The following ABLIM2 variants were observed in gnomAD, a reference collection of about 807,000 sequenced individuals.
The protein encoded by ABLIM2 is actin binding LIM protein family member 2.
Under a neutral mutation model 97.7 loss-of-function variants are expected in ABLIM2, and 53 were observed. The observed-to-expected ratio is 0.54, with a 90% CI of 0.44 to 0.68. ABLIM2 has a LOEUF of 0.68. Ranked by LOEUF, ABLIM2 falls within the 30% of genes least tolerant of loss-of-function variation. ABLIM2 has a pLI of 0.00. For missense variants in ABLIM2, 835 were observed against 867.2 expected (o/e 0.96, Z 0.47); for synonymous variants, 361 against 345.8 (o/e 1.04, Z -0.49).
In ABLIM2 at chr4:8,021,773, G is replaced by A. The variant is rs1305397210; in HGVS notation, c.1268-1470C>T. ...GCTGATGCCGTAGAAAGGACTGCAG[G>A]CTCTAACTTTGAGCATTTTCTCGTG... On this transcript the variant is annotated intron_variant, in intron 12 of 20. Coordinates refer to ENST00000447017, the MANE Select transcript of ABLIM2 (RefSeq NM_001130083.2). The surrounding 1 kb of genome is among the most constrained non-coding windows in gnomAD (Gnocchi z 5.5). 1.3e-5 allele frequency among the ~76,000 whole-genome samples: 2 copies of A among 152,250 alleles called. No individual in the cohort carries two copies. Among genetic ancestry groups the A allele is most frequent in the African/African-American group, 4.8e-5 (2 of 41,466 alleles).
chr4:7,973,833 G>A (rs1305482745), intron 20 of ABLIM2, among the ~76,000 whole-genome samples: 2 of 152,044 alleles, frequency 1.3e-5, no homozygotes, highest in Admixed American at 6.5e-5. Context: ...TGTATGTGTC[G>A]CCGTGGCTGG....
At chr4:8,013,877 A>C (rs1322102396) in intron 14 of ABLIM2, among the ~76,000 whole-genome samples, 1 of 152,190 alleles carries the variant, frequency 6.6e-6, no homozygotes, top group Non-Finnish European at 1.5e-5. Flanking sequence ...GCACGGAGGA[A>C]GTGAGTGAGA....
At chr4:8,060,301 G>A (rs1402142657) in intron 7 of ABLIM2, among the ~76,000 whole-genome samples, 7 of 152,166 alleles carry the variant, frequency 4.6e-5, no homozygotes, top group African/African-American at 1.7e-4. Context: ...CTCAAGTCTC[G>A]CCCTTTCTTC....
chr4:8,123,957 G>C lies in ABLIM2; in HGVS notation c.11-17320C>G, dbSNP rs564198519. Among the ~76,000 whole-genome samples, 1 of 152,196 alleles carries C rather than the reference G, an allele frequency of 6.6e-6. No individual in the cohort carries two copies. The highest frequency in any genetic ancestry group is 1.5e-5 in the Non-Finnish European group (1 of 68,040). Reference sequence around the variant, plus strand: ...ACCTAAGGAATGCTACTCATGGCTAGAAACCCAAACAGTACATCAAAGATG... The same window carrying C: ...ACCTAAGGAATGCTACTCATGGCTACAAACCCAAACAGTACATCAAAGATG... On this transcript the variant is annotated intron_variant, in intron 1 of 20. Transcript: ENST00000447017. The surrounding 1 kb of genome is among the most constrained non-coding windows in gnomAD (Gnocchi z 6.2).
intron 3 of ABLIM2, among the ~76,000 whole-genome samples, chr4:8,091,054 G>C (rs12498900): frequency 0.28 from 42,160 of 150,532 alleles, 5,924 homozygotes; most frequent in East Asian, 0.31. Flanking sequence ...CTGCCAAGCC[G>C]GTTTCCATGG....
chr4:8,143,273 C>T (rs1851309792), intron 1 of ABLIM2, among the ~76,000 whole-genome samples: 1 of 152,032 alleles, frequency 6.6e-6, no homozygotes, highest in South Asian at 2.1e-4. Context: ...CTCCACCCCT[C>T]TAAGGAAGGA....
At chr4:7,984,402 C>T (rs1741651939) in intron 18 of ABLIM2, among the ~76,000 whole-genome samples, 1 of 152,224 alleles carries the variant, frequency 6.6e-6, no homozygotes, top group Non-Finnish European at 1.5e-5. Context: ...TGCCACACGA[C>T]CAGGTGGCCG....
At position 7,998,569 on chromosome 4, in the gene ABLIM2, C is replaced by T. The variant is rs796839281; in HGVS notation, c.1619-5642G>A. On this transcript the variant is annotated intron_variant, in intron 16 of 20. Coordinates refer to ENST00000447017, the MANE Select transcript of ABLIM2 (RefSeq NM_001130083.2). This position sits in a 1 kb window ranked among gnomAD's most constrained non-coding sequence, Gnocchi z 6.4. ...TGCCTGCCACGGGTGGAGACCATGC[C>T]CCTGGGTTCACTCCCAGGACTGCGG... The T allele has an allele frequency of 1.8e-4, 86 of 465,534 alleles. 1 individual carries two copies. Among genetic ancestry groups the T allele is most frequent in the African/African-American group, 1.6e-3 (81 of 50,486 alleles). The allele number at this position is 465,534 out of a possible 1,614,324, so 28.8% of individuals were successfully genotyped here. A position where few individuals can be genotyped will look rare whatever the true frequency, so the allele number is the denominator to read the frequency against.
At chr4:7,987,128 C>T (rs1231419872) in intron 17 of ABLIM2, among the ~76,000 whole-genome samples, 1 of 152,166 alleles carries the variant, frequency 6.6e-6, no homozygotes, top group Non-Finnish European at 1.5e-5. Flanking sequence ...AGGCGCATGC[C>T]ATCACACTTG....
chr4:8,151,004 C>A (rs1712507539), intron 1 of ABLIM2, among the ~76,000 whole-genome samples: 1 of 152,178 alleles, frequency 6.6e-6, no homozygotes, highest in Non-Finnish European at 1.5e-5. Flanking sequence ...CGTGCCCAGG[C>A]CCTTGACTCT....
In ABLIM2 at chr4:8,005,876, C is replaced by CTGGAGCAG. The variant is rs1274623854; in HGVS notation, c.1618+2175_1618+2182dup. 6.6e-6 allele frequency among the ~76,000 whole-genome samples: 1 copy of CTGGAGCAG among 152,210 alleles called. No individual in the cohort carries two copies. The highest frequency in any genetic ancestry group is 2.4e-5 in the African/African-American group (1 of 41,452). ...CAGGGGAAGGACACATATGTCTGTG[C>CTGGAGCAG]TGGAGCAGAATCTCCCCGGGGAATT... On this transcript the variant is annotated intron_variant, in intron 16 of 20. Coordinates refer to ENST00000447017, the MANE Select transcript of ABLIM2 (RefSeq NM_001130083.2). This position sits in a 1 kb window ranked among gnomAD's most constrained non-coding sequence, Gnocchi z 4.9.
chr4:8,008,766 C>G (rs191787000), intron 15 of ABLIM2, among the ~76,000 whole-genome samples: 2 of 152,292 alleles, frequency 1.3e-5, no homozygotes, highest in African/African-American at 4.8e-5. Flanking sequence ...AATGGATGCC[C>G]CAGGGATGCA....
chr4:8,115,851 C>T (rs1842553104), intron 1 of ABLIM2, among the ~76,000 whole-genome samples: 1 of 152,102 alleles, frequency 6.6e-6, no homozygotes, highest in Admixed American at 6.5e-5. Context: ...CATCAAGTAC[C>T]CCCAGCTTCT....
In ABLIM2 at chr4:7,966,873, CCA is replaced by C; in HGVS notation, c.*115_*116del. The C allele has an allele frequency of 8.5e-6, 2 of 236,108 alleles. No homozygotes were observed. Among genetic ancestry groups the C allele is most frequent in the Non-Finnish European group, 1.7e-5 (2 of 116,814 alleles). The allele number at this position is 236,108 out of a possible 1,614,324, so 14.6% of individuals were successfully genotyped here. A position where few individuals can be genotyped will look rare whatever the true frequency, so the allele number is the denominator to read the frequency against. ...CACCTGCTGGGGGACCCCCTCCCGC[CCA>C]CCCCATGGACACAGAGAAGCCAGAG... On this transcript the variant is annotated 3_prime_UTR_variant, in exon 21 of 21. Transcript: ENST00000447017.
chr4:8,098,639 C>T (rs766699833), intron 2 of ABLIM2, among the ~76,000 whole-genome samples: 1 of 152,162 alleles, frequency 6.6e-6, no homozygotes, highest in Admixed American at 6.5e-5. Flanking sequence ...TTCCAGATGC[C>T]GGAGCTGCCG....
At chr4:8,052,769 T>C (rs1236295585) in intron 8 of ABLIM2, among the ~76,000 whole-genome samples, 1 of 152,230 alleles carries the variant, frequency 6.6e-6, no homozygotes, top group African/African-American at 2.4e-5. Context: ...CTGAACCCCA[T>C]CAGACACTCT....
intron 20 of ABLIM2, among the ~76,000 whole-genome samples, chr4:7,968,657 G>A (rs930112818): frequency 6.6e-6 from 1 of 152,212 alleles, no homozygotes; most frequent in Admixed American, 6.5e-5. Context: ...GCATGGATTC[G>A]TGGTCGCCAG....
At chr4:8,146,506 G>A (rs1019655043) in intron 1 of ABLIM2, among the ~76,000 whole-genome samples, 12 of 152,062 alleles carry the variant, frequency 7.9e-5, no homozygotes, top group South Asian at 2.1e-4. Context: ...GTCCTTTTGC[G>A]GTTTAACACA....
chr4:7,984,909 AG>A lies in ABLIM2; in HGVS notation c.1681-17del. The A allele has an allele frequency of 6.2e-7, 1 of 1,607,282 alleles. No homozygotes were observed. The highest frequency in any genetic ancestry group is 1.1e-5 in the South Asian group (1 of 89,186). On this transcript the variant is annotated splice_polypyrimidine_tract_variant and intron_variant, in intron 17 of 20. Transcript: ENST00000447017. ...GATTGGCATTCTGGAAGAGAAAGAG[AG>A]GTTGGGCGGCAAGAGACAGGCGGCA...
Sources: allele counts gnomAD v4.1 joint callset (sites outside exome capture counted in the v4.1 genomes callset), GRCh38; gene constraint gnomAD v4.1.1; non-coding constraint Gnocchi (gnomAD v3.1); transcripts MANE v1.5; gene names NCBI Gene and HGNC (gene_info 2026-07-23, HGNC 2026-07-21).